The following STK32B variants were observed in gnomAD, a reference collection of about 807,000 sequenced individuals.
STK32B encodes serine/threonine kinase 32B.
STK32B carries 43 observed loss-of-function variants against 52.6 expected under a neutral mutation model. That is an observed-to-expected ratio of 0.82 (90% CI 0.64 to 1.05). The LOEUF is 1.05. Among genes scored for constraint, STK32B ranks in the 50% least tolerant of loss-of-function variants. The pLI is 0.00. For synonymous variants in STK32B, 238 were observed against 204.3 expected (o/e 1.17, Z -1.41); for missense variants, 621 against 534.6 (o/e 1.16, Z -1.59).
intron 7 of STK32B, among the ~76,000 whole-genome samples, chr4:5,455,543 T>G (rs573420515): frequency 1.3e-5 from 2 of 152,298 alleles, no homozygotes; most frequent in Admixed American, 1.3e-4. Flanking sequence ...CTTGGAACTT[T>G]TCCGAAGCAA....
intron 3 of STK32B, among the ~76,000 whole-genome samples, chr4:5,329,703 G>C (rs73794567): frequency 1.3e-5 from 2 of 152,200 alleles, no homozygotes; most frequent in Admixed American, 1.3e-4. Flanking sequence ...CAGACAGTAG[G>C]TGTTCCATAA....
intron 4 of STK32B, among the ~76,000 whole-genome samples, chr4:5,333,890 A>G (rs1732447247): frequency 6.6e-6 from 1 of 152,156 alleles, no homozygotes; most frequent in Non-Finnish European, 1.5e-5. Context: ...CTTGTAGTAT[A>G]GTTTGAAGTC....
At chr4:5,104,147 C>T (rs1172749941) in intron 1 of STK32B, among the ~76,000 whole-genome samples, 1 of 152,022 alleles carries the variant, frequency 6.6e-6, no homozygotes, top group Non-Finnish European at 1.5e-5. Context: ...CCCATAATCC[C>T]CACATGTCAT....
At chr4:5,466,500 G>T (rs921716137) in intron 9 of STK32B, among the ~76,000 whole-genome samples, 1 of 152,146 alleles carries the variant, frequency 6.6e-6, no homozygotes. Context: ...GCCCCAGGGG[G>T]ACTATGTGTA....
At chr4:5,078,385 AAAAC>A (rs778796591) in intron 1 of STK32B, among the ~76,000 whole-genome samples, 33 of 152,332 alleles carry the variant, frequency 2.2e-4, no homozygotes, top group Non-Finnish European at 3.8e-4. Flanking sequence ...TGAAAAAACA[AAAAC>A]AAACAAAGAC....
At chr4:5,081,067 G>A (rs1025272323) in intron 1 of STK32B, among the ~76,000 whole-genome samples, 7 of 152,078 alleles carry the variant, frequency 4.6e-5, no homozygotes, top group African/African-American at 1.7e-4. Flanking sequence ...TTCTGTGTCT[G>A]GCTTACTGCA....
At chr4:5,353,463 A>G (rs1009903753) in intron 4 of STK32B, among the ~76,000 whole-genome samples, 6 of 152,254 alleles carry the variant, frequency 3.9e-5, no homozygotes, top group African/African-American at 9.6e-5. Flanking sequence ...TGAAGAGGCA[A>G]CATTTTGAAT....
intron 3 of STK32B, among the ~76,000 whole-genome samples, chr4:5,278,241 G>A (rs1161904371): frequency 6.6e-6 from 1 of 152,222 alleles, no homozygotes; most frequent in Non-Finnish European, 1.5e-5. Flanking sequence ...ACAGAACTGA[G>A]CTTGAAAGGA....
At chr4:5,134,727 C>G (rs1336802200) in intron 1 of STK32B, among the ~76,000 whole-genome samples, 3 of 152,346 alleles carry the variant, frequency 2.0e-5, no homozygotes, top group Non-Finnish European at 4.4e-5. Context: ...AGCACCAACT[C>G]TGCAAGGAAT....
chr4:5,057,216 A>T (rs1397927422), intron 1 of STK32B, among the ~76,000 whole-genome samples: 1 of 152,232 alleles, frequency 6.6e-6, no homozygotes, highest in Non-Finnish European at 1.5e-5. Context: ...ATTTATTTCC[A>T]GTAAGGTCAT....
chr4:5,310,001 AC>A (rs1255607917), intron 3 of STK32B, among the ~76,000 whole-genome samples: 18 of 152,236 alleles, frequency 1.2e-4, no homozygotes, highest in Admixed American at 5.9e-4. Context: ...CCTCATCTCT[AC>A]TAAAAATACA....
intron 3 of STK32B, among the ~76,000 whole-genome samples, chr4:5,274,807 C>G (rs780304544): frequency 6.6e-6 from 1 of 152,120 alleles, no homozygotes; most frequent in Non-Finnish European, 1.5e-5. Context: ...TCCACCACTG[C>G]TGTTTGCCGC....
rs554917683 is a variant in STK32B, at chr4:5,205,715, T to C, written c.260+37265T>C. Among the ~76,000 whole-genome samples, 695 of 138,884 alleles carry C rather than the reference T, an allele frequency of 5.0e-3. 8 individuals are homozygous for C. Among genetic ancestry groups the C allele is most frequent in the African/African-American group, 0.012 (448 of 37,996 alleles). The allele number at this position is 138,884 out of a possible 152,430, so 91.1% of individuals were successfully genotyped here. On this transcript the variant is annotated intron_variant, in intron 3 of 11. Coordinates refer to ENST00000282908, the MANE Select transcript of STK32B (RefSeq NM_018401.3). ...CCAGGCGCGCGCGCGTGTGTGTGTG[T>C]GTGTGTGTGTGTGTGTGCATTTAGG... is the stretch of plus-strand genomic sequence containing the variant.
chr4:5,347,179 GT>G (rs1291884874), intron 4 of STK32B, among the ~76,000 whole-genome samples: 8 of 152,182 alleles, frequency 5.3e-5, no homozygotes, highest in African/African-American at 1.9e-4. Flanking sequence ...CAGCTCATTT[GT>G]CTTGGGGAGC....
intron 1 of STK32B, among the ~76,000 whole-genome samples, chr4:5,085,876 A>G (rs1246040530): frequency 3.9e-5 from 6 of 152,108 alleles, no homozygotes; most frequent in South Asian, 2.1e-4. Context: ...TACCAGAGAG[A>G]GCAGAAGAGA....
chr4:5,261,688 A>G (rs996754572), intron 3 of STK32B, among the ~76,000 whole-genome samples: 33 of 152,192 alleles, frequency 2.2e-4, no homozygotes, highest in Admixed American at 1.9e-3. Flanking sequence ...CTTATGAACT[A>G]CCACCTAGGA....
At chr4:5,188,668 T>A (rs1720933222) in intron 3 of STK32B, among the ~76,000 whole-genome samples, 1 of 152,154 alleles carries the variant, frequency 6.6e-6, no homozygotes. Flanking sequence ...CACTTTCACC[T>A]GGGAACACAA....
At chr4:5,251,865 A>G (rs913204379) in intron 3 of STK32B, among the ~76,000 whole-genome samples, 1 of 152,124 alleles carries the variant, frequency 6.6e-6, no homozygotes, top group African/African-American at 2.4e-5. Flanking sequence ...TAATATGTCA[A>G]ACTGCATCTG....
At chr4:5,160,208 C>T (rs147053580) in intron 2 of STK32B, among the ~76,000 whole-genome samples, 103 of 152,286 alleles carry the variant, frequency 6.8e-4, no homozygotes, top group African/African-American at 7.7e-4. Flanking sequence ...CTTCTTGGGC[C>T]GCTTTGCACA....
Sources: gnomAD v4.1 joint callset for allele counts (sites outside exome capture counted in the v4.1 genomes callset) on GRCh38, gnomAD v4.1.1 for gene constraint, MANE v1.5 for transcripts, NCBI Gene and HGNC (gene_info 2026-07-23, HGNC 2026-07-21) for gene names.